The following NCAPD3 variants were observed in gnomAD, a reference collection of about 807,000 sequenced individuals.
NCAPD3 encodes non-SMC condensin II complex subunit D3, also known as condensin-2 complex subunit D3.
NCAPD3 carries 105 observed loss-of-function variants against 182.9 expected under a neutral mutation model. That is an observed-to-expected ratio of 0.57 (90% CI 0.49 to 0.68). The LOEUF (loss-of-function observed/expected upper bound fraction) is 0.68. Ranked by LOEUF, NCAPD3 falls within the 30% of genes least tolerant of loss-of-function variation. The pLI is 0.00. For synonymous variants in NCAPD3, 815 were observed against 679.9 expected (o/e 1.20, Z -3.09); for missense variants, 1,944 against 1,837.0 (o/e 1.06, Z -1.07).
intron 27 of NCAPD3, among the ~76,000 whole-genome samples, chr11:134,166,894 A>G (rs1476146525): frequency 8.4e-6 from 1 of 118,542 alleles, no homozygotes; most frequent in Non-Finnish European, 1.7e-5. Context: ...CACTTGTGAG[A>G]TGAGCTTGGG....
upstream of NCAPD3, chr11:134,224,995 A>C: frequency 1.3e-6 from 1 of 765,298 alleles, no homozygotes; most frequent in Non-Finnish European, 1.8e-6. Flanking sequence ...GCAGCGGCGG[A>C]GCCAGGCAGC....
At chr11:134,164,556 A>C (rs533696192) in intron 27 of NCAPD3, among the ~76,000 whole-genome samples, 28 of 150,300 alleles carry the variant, frequency 1.9e-4, no homozygotes, top group Admixed American at 4.6e-4. Flanking sequence ...TCACTTGTGA[A>C]ATGAGCTTAG....
chr11:134,208,800 C>A, intron 7 of NCAPD3, 64 bp downstream of exon 7: 1 of 1,065,684 alleles, frequency 9.4e-7, no homozygotes, highest in Non-Finnish European at 1.4e-6. Context: ...TAACATATTT[C>A]CATCATATGG....
intron 4 of NCAPD3, 96 bp from the exon 5 acceptor site, chr11:134,209,573 A>G (rs1937749080): frequency 8.5e-7 from 1 of 1,175,270 alleles, no homozygotes; most frequent in African/African-American, 1.5e-5. Context: ...GATAAACTCC[A>G]GGCAGGAGCT....
At chr11:134,176,817 T>C (rs1944180161) in intron 23 of NCAPD3, among the ~76,000 whole-genome samples, 1 of 152,212 alleles carries the variant, frequency 6.6e-6, no homozygotes, top group Non-Finnish European at 1.5e-5. Flanking sequence ...AACGTCCCAC[T>C]GGACTTGCAG....
chr11:134,210,370 T>A lies in NCAPD3; in HGVS notation c.467A>T (p.Asn156Ile). The A allele has an allele frequency of 1.9e-6, 3 of 1,614,194 alleles. No homozygotes were observed. The highest frequency in any genetic ancestry group is 2.5e-6 in the Non-Finnish European group (3 of 1,180,004). ...TLKKSWPQESNLNRKRKKEQP... is the reference protein window; with the variant it reads ...TLKKSWPQESILNRKRKKEQP... ...TTCTTTCTTTCTTTTCCGATTCAAG[T>A]TAGATTCCTGGGGCCAGCTCTTCTT... The change falls in exon 4 of 35, where the codon AAC (asparagine) becomes ATC (isoleucine). Residue 156 changes from asparagine (N) to isoleucine (I), a missense_variant. Asn to Ile is a moderately radical substitution (Grantham distance 149). Around this residue, in one of 3 missense-constraint regions of NCAPD3, gnomAD observed 1,803 missense variants for 1,674.6 expected, o/e 1.08. Coordinates refer to ENST00000534548, the MANE Select transcript of NCAPD3 (RefSeq NM_015261.3).
intron 24 of NCAPD3, among the ~76,000 whole-genome samples, chr11:134,172,118 C>T (rs1357812369): frequency 6.6e-6 from 1 of 152,106 alleles, no homozygotes; most frequent in East Asian, 1.9e-4. Context: ...AGAGTGTGGG[C>T]TGGCTGCTGT....
chr11:134,212,375 T>TGTGTGTGTGTGTGTGTG (rs1937866526), intron 3 of NCAPD3, among the ~76,000 whole-genome samples: 6 of 143,274 alleles, frequency 4.2e-5, no homozygotes, highest in East Asian at 2.1e-4. Context: ...TTTTGTTGTT[T>TGTGTGTGTGTGTGTGTG]TGTGTGTGTG....
chr11:134,157,863 G>A (rs1943466842), intron 31 of NCAPD3, 65 bp downstream of exon 31: 5 of 1,489,786 alleles, frequency 3.4e-6, no homozygotes, highest in East Asian at 4.6e-5. Flanking sequence ...GGAATAAGAA[G>A]TAGCTTGTTC....
In NCAPD3 at chr11:134,194,144, C is replaced by A. The variant is rs767589818; in HGVS notation, c.1696G>T (p.Val566Leu). ...ACATCACAGTGTTTCAAAATACTCA[C>A]TAATACCTAGAAGGCATAGACGCAA... ...NVRKSALQVLVSILKHCDVSG... is the reference protein window; with the variant it reads ...NVRKSALQVLLSILKHCDVSG... The change falls in exon 15 of 35, where the codon GTG becomes TTG. Residue 566 changes from valine to leucine, a missense_variant. Around this residue, in one of 3 missense-constraint regions of NCAPD3, gnomAD observed 1,803 missense variants for 1,674.6 expected, o/e 1.08. Transcript: ENST00000534548. 1 of 1,613,994 alleles carries A rather than the reference C, an allele frequency of 6.2e-7. No homozygotes were observed. Among genetic ancestry groups the A allele is most frequent in the South Asian group, 1.1e-5 (1 of 91,074 alleles).
rs1555133900 is a variant in NCAPD3 at position 134,177,205 on chromosome 11, A to T, written c.3021+14T>A. The T allele has an allele frequency of 4.5e-5, 71 of 1,582,922 alleles. No homozygotes were observed. The South Asian group carries it at 7.2e-4, about 16-fold the overall frequency. On this transcript the variant is annotated intron_variant, in intron 23 of 34. Coordinates refer to ENST00000534548, the MANE Select transcript of NCAPD3 (RefSeq NM_015261.3). ...TGGTGAAGGGGAAAGGACAGATTGA[A>T]CCCCCCTACGCACCTGCAAGAGATT...
chr11:134,176,861 G>A (rs1057218219), intron 23 of NCAPD3, among the ~76,000 whole-genome samples: 3 of 152,192 alleles, frequency 2.0e-5, no homozygotes, highest in African/African-American at 7.2e-5. Context: ...CCCATTTGAC[G>A]AAGGAAGAAG....
chr11:134,189,460 C>T (rs912293295), intron 16 of NCAPD3, among the ~76,000 whole-genome samples: 7 of 152,206 alleles, frequency 4.6e-5, no homozygotes, highest in African/African-American at 1.4e-4. Context: ...ATGCATTCTA[C>T]AAGTTTTGGC....
rs77678022 is a variant in NCAPD3, at chr11:134,190,807, C to T, written c.2045+1882G>A. On this transcript the variant is annotated intron_variant, in intron 16 of 34. Transcript: ENST00000534548. ...TGGCCCTTTAGTGGAGAGGTGGTGG[C>T]GATAAACACCCTTGGTTTTCTGCTC... Among the ~76,000 whole-genome samples the T allele has an allele frequency of 8.3e-3, 1,269 of 152,218 alleles. 14 individuals are homozygous for T. Among genetic ancestry groups the T allele is most frequent in the African/African-American group, 0.029 (1,196 of 41,532 alleles).
rs658830 is a variant in NCAPD3, at chr11:134,166,032, C to G, written c.3573+1964G>C. Among the ~76,000 whole-genome samples, 88 of 79,430 alleles carry G rather than the reference C, an allele frequency of 1.1e-3. 1 individual carries two copies. Among genetic ancestry groups the G allele is most frequent in the East Asian group, 0.01 (16 of 1,582 alleles). The allele number at this position is 79,430 out of a possible 152,430, so 52.1% of individuals were successfully genotyped here. A position where few individuals can be genotyped will look rare whatever the true frequency, so the allele number is the denominator to read the frequency against. On this transcript the variant is annotated intron_variant, in intron 27 of 34. Transcript: ENST00000534548. ...ACTTGTGAGATGAGCTTGGGGGAGG[C>G]GCACACTCACTAGTGAGATGAGCTT...
chr11:134,207,985 T>C (rs1257711742), intron 7 of NCAPD3, among the ~76,000 whole-genome samples: 1 of 152,188 alleles, frequency 6.6e-6, no homozygotes, highest in Admixed American at 6.5e-5. Flanking sequence ...CTCAACTTCA[T>C]TTAATCCTGT....
At chr11:134,178,769 A>C in intron 21 of NCAPD3, 28 bp from the exon 22 acceptor site, 1 of 1,608,700 alleles carries the variant, frequency 6.2e-7, no homozygotes, top group Non-Finnish European at 8.5e-7. Context: ...AAAGTTACCG[A>C]CAGAACCTTG....
At chr11:134,216,620 A>C (rs1180475567) in intron 3 of NCAPD3, among the ~76,000 whole-genome samples, 1 of 152,246 alleles carries the variant, frequency 6.6e-6, no homozygotes, top group Non-Finnish European at 1.5e-5. Context: ...ACAAGGAATC[A>C]TGAGAAGAAA....
At chr11:134,170,640 C>T (rs1379617292) in intron 24 of NCAPD3, among the ~76,000 whole-genome samples, 1 of 152,230 alleles carries the variant, frequency 6.6e-6, no homozygotes, top group East Asian at 1.9e-4. Flanking sequence ...TATGTCAATG[C>T]CAATCGACTC....
Sources: allele counts gnomAD v4.1 joint callset (sites outside exome capture counted in the v4.1 genomes callset), GRCh38; gene constraint gnomAD v4.1.1; regional missense constraint gnomAD v4.1.1; transcripts MANE v1.5; gene names NCBI Gene and HGNC (gene_info 2026-07-23, HGNC 2026-07-21).